Variants in ANKRD12 observed in about 807,000 individuals in gnomAD.
ANKRD12 encodes the protein ankyrin repeat domain-containing protein 12.
In ANKRD12, 85 loss-of-function variants were observed where a neutral mutation model predicts 183.4. That is an observed-to-expected ratio of 0.46 (90% CI 0.39 to 0.56). The LOEUF is 0.56. Among genes scored for constraint, ANKRD12 ranks in the 20% least tolerant of loss-of-function variants. ANKRD12 has a pLI of 0.00. For missense variants in ANKRD12, 2,405 were observed against 2,357.1 expected (o/e 1.02, Z -0.42); for synonymous variants, 914 against 800.2 (o/e 1.14, Z -2.40).
chr18:9,140,617 AAGG>A (rs2078282587), intron 1 of ANKRD12, among the ~76,000 whole-genome samples: 1 of 152,296 alleles, frequency 6.6e-6, no homozygotes, highest in South Asian at 2.1e-4. Flanking sequence ...AGGTACGCAA[AAGG>A]AGGAGATGAT....
chr18:9,144,956 T>C (rs1249239595), intron 1 of ANKRD12, among the ~76,000 whole-genome samples: 2 of 152,142 alleles, frequency 1.3e-5, no homozygotes, highest in African/African-American at 4.8e-5. Context: ...TATCAATAAT[T>C]ATGATTATGG....
intron 2 of ANKRD12, among the ~76,000 whole-genome samples, chr18:9,195,221 C>G (rs2034705016): frequency 6.6e-6 from 1 of 152,132 alleles, no homozygotes. Context: ...AAAAAACTGC[C>G]TATCAGGTAC....
chr18:9,282,239 G>A lies in ANKRD12; in HGVS notation c.*1113G>A, dbSNP rs1018552710. ...ATTGCTTAATGTTTTAAGCTTAATAGCCTTTGCACTTTTAAAATAAAAACC... is the reference window on the plus strand; with the variant it reads ...ATTGCTTAATGTTTTAAGCTTAATAACCTTTGCACTTTTAAAATAAAAACC... On this transcript the variant is annotated 3_prime_UTR_variant, in exon 13 of 13. Coordinates refer to ENST00000262126, the MANE Select transcript of ANKRD12 (RefSeq NM_015208.5). 1.3e-5 allele frequency: 2 copies of A among 152,414 alleles called. No individual in the cohort carries two copies. The highest frequency in any genetic ancestry group is 2.9e-5 in the Non-Finnish European group (2 of 67,952). The allele number at this position is 152,414 out of a possible 1,614,324, so 9.4% of individuals were successfully genotyped here. A position where few individuals can be genotyped will look rare whatever the true frequency, so the allele number is the denominator to read the frequency against.
At chr18:9,165,371 G>T (rs1412194977) in intron 1 of ANKRD12, among the ~76,000 whole-genome samples, 2 of 151,964 alleles carry the variant, frequency 1.3e-5, no homozygotes, top group Admixed American at 6.6e-5. Flanking sequence ...ATAGAATTTG[G>T]CACTTTAGCT....
At chr18:9,237,301 A>G (rs1004764395) in intron 8 of ANKRD12, among the ~76,000 whole-genome samples, 1 of 152,222 alleles carries the variant, frequency 6.6e-6, no homozygotes, top group Non-Finnish European at 1.5e-5. Flanking sequence ...GGAGGTGTGA[A>G]TTGGTCAAAG....
chr18:9,192,060 C>CATG (rs1482259545), intron 2 of ANKRD12, among the ~76,000 whole-genome samples: 4 of 152,198 alleles, frequency 2.6e-5, no homozygotes, highest in Non-Finnish European at 4.4e-5. Context: ...TCTGGAGTGG[C>CATG]ATGATGTGGC....
At chr18:9,162,015 A>G (rs1255389538) in intron 1 of ANKRD12, among the ~76,000 whole-genome samples, 1 of 152,060 alleles carries the variant, frequency 6.6e-6, no homozygotes, top group Non-Finnish European at 1.5e-5. Context: ...GGGGCATGCC[A>G]CCACACCCAG....
intron 10 of ANKRD12, among the ~76,000 whole-genome samples, chr18:9,264,969 G>A (rs563025367): frequency 6.6e-6 from 1 of 152,242 alleles, no homozygotes; most frequent in Non-Finnish European, 1.5e-5. Context: ...CGGCATACCA[G>A]GAGATTATCT....
chr18:9,145,559 A>G (rs551858322), intron 1 of ANKRD12, among the ~76,000 whole-genome samples: 13 of 152,300 alleles, frequency 8.5e-5, no homozygotes, highest in African/African-American at 2.9e-4. Context: ...GACACGAATC[A>G]TTCTGTCTTG....
chr18:9,278,011 G>C (rs2039934797), intron 11 of ANKRD12, among the ~76,000 whole-genome samples: 1 of 152,168 alleles, frequency 6.6e-6, no homozygotes, highest in Admixed American at 6.5e-5. Flanking sequence ...TGATGATTGG[G>C]TTTTCACACT....
chr18:9,234,914 T>C (rs2037258722), intron 8 of ANKRD12, among the ~76,000 whole-genome samples: 1 of 152,148 alleles, frequency 6.6e-6, no homozygotes, highest in South Asian at 2.1e-4. Context: ...CTCTTTCCCC[T>C]GGCCCAATAT....
intron 8 of ANKRD12, among the ~76,000 whole-genome samples, chr18:9,253,540 T>C (rs1567968002): frequency 6.6e-6 from 1 of 152,242 alleles, no homozygotes; most frequent in South Asian, 2.1e-4. Context: ...CTGAATAATA[T>C]TCCACTGTGT....
intron 5 of ANKRD12, among the ~76,000 whole-genome samples, chr18:9,210,796 T>C (rs2035761357): frequency 6.6e-6 from 1 of 150,962 alleles, no homozygotes; most frequent in South Asian, 2.1e-4. Context: ...GGTATTGCCT[T>C]AGAGCTCTAA....
At chr18:9,194,390 C>T (rs1324714554) in intron 2 of ANKRD12, among the ~76,000 whole-genome samples, 1 of 151,230 alleles carries the variant, frequency 6.6e-6, no homozygotes, top group Admixed American at 6.6e-5. Flanking sequence ...GAGTTTTGCT[C>T]TTGTTGCCCA....
chr18:9,152,935 G>GATTATAA (rs2078730029), intron 1 of ANKRD12, among the ~76,000 whole-genome samples: 1 of 152,028 alleles, frequency 6.6e-6, no homozygotes, highest in Non-Finnish European at 1.5e-5. Context: ...GTATGAAATA[G>GATTATAA]ACTTATTAGA....
At chr18:9,149,465 A>G (rs980039842) in intron 1 of ANKRD12, among the ~76,000 whole-genome samples, 1 of 152,168 alleles carries the variant, frequency 6.6e-6, no homozygotes, top group Non-Finnish European at 1.5e-5. Flanking sequence ...GTTGGGGGAG[A>G]TAAAGAATAG....
intron 1 of ANKRD12, among the ~76,000 whole-genome samples, chr18:9,161,306 C>T (rs953965179): frequency 6.6e-6 from 1 of 152,026 alleles, no homozygotes; most frequent in Non-Finnish European, 1.5e-5. Flanking sequence ...GATTTGTAGA[C>T]AGACTTTAAC....
intron 1 of ANKRD12, among the ~76,000 whole-genome samples, chr18:9,158,319 T>C (rs967114091): frequency 1.3e-5 from 2 of 152,178 alleles, no homozygotes; most frequent in African/African-American, 4.8e-5. Flanking sequence ...TTGCCCTAGT[T>C]TTTTGAATGT....
chr18:9,195,493 T>C, intron 2 of ANKRD12, 58 bp from the exon 3 acceptor site: 1 of 1,320,476 alleles, frequency 7.6e-7, no homozygotes, highest in Non-Finnish European at 1.0e-6. Context: ...TAGGGGTTTC[T>C]ATACTGTATT....
Sources: allele counts gnomAD v4.1 joint callset (sites outside exome capture counted in the v4.1 genomes callset), GRCh38; gene constraint gnomAD v4.1.1; transcripts MANE v1.5; gene names NCBI Gene and HGNC (gene_info 2026-07-23, HGNC 2026-07-21).